Variants in BCAS3 observed in about 807,000 individuals in gnomAD.
The protein encoded by BCAS3 is BCAS4/BCAS3 fusion.
Under a neutral mutation model 116.1 loss-of-function variants are expected in BCAS3, and 53 were observed. That is an observed-to-expected ratio of 0.46 (90% CI 0.37 to 0.57). BCAS3 has a LOEUF of 0.57. Among genes scored for constraint, BCAS3 ranks in the 20% least tolerant of loss-of-function variants. BCAS3 has a pLI of 0.00. For missense variants in BCAS3, 917 were observed against 1,165.4 expected (o/e 0.79, Z 3.10); for synonymous variants, 391 against 408.2 (o/e 0.96, Z 0.51).
At chr17:60,825,857 GTTT>G (rs770293138) in intron 7 of BCAS3, among the ~76,000 whole-genome samples, 1 of 130,078 alleles carries the variant, frequency 7.7e-6, no homozygotes. Flanking sequence ...TGGGGATTCA[GTTT>G]TTTTTTTTTT....
chr17:60,783,493 C>T (rs1454871021), intron 6 of BCAS3, among the ~76,000 whole-genome samples: 1 of 152,224 alleles, frequency 6.6e-6, no homozygotes, highest in Non-Finnish European at 1.5e-5. Context: ...GCACGAGCCA[C>T]TGCGCCTGAC....
intron 6 of BCAS3, among the ~76,000 whole-genome samples, chr17:60,769,282 G>A (rs999361960): frequency 2.6e-5 from 4 of 152,186 alleles, no homozygotes; most frequent in Admixed American, 2.0e-4. Flanking sequence ...TCAGGTGTTG[G>A]CAGTGGTGTC....
intron 22 of BCAS3, among the ~76,000 whole-genome samples, chr17:61,223,655 A>T (rs570378756): frequency 6.6e-5 from 10 of 152,318 alleles, no homozygotes; most frequent in African/African-American, 2.4e-4. Flanking sequence ...TTTAACCTTG[A>T]ATCATTAGAA....
At chr17:60,702,100 AACAG>A (rs763435757) in intron 4 of BCAS3, among the ~76,000 whole-genome samples, 24 of 152,236 alleles carry the variant, frequency 1.6e-4, no homozygotes, top group Non-Finnish European at 3.5e-4. Flanking sequence ...ACACACACTT[AACAG>A]ACAGTACATG....
chr17:61,114,720 A>G (rs1201720865), intron 22 of BCAS3, among the ~76,000 whole-genome samples: 4 of 152,006 alleles, frequency 2.6e-5, no homozygotes, highest in Non-Finnish European at 5.9e-5. Flanking sequence ...GACTTTCTTC[A>G]CAGAATTGGA....
intron 22 of BCAS3, among the ~76,000 whole-genome samples, chr17:61,184,068 T>G (rs979583139): frequency 6.6e-6 from 1 of 152,188 alleles, no homozygotes; most frequent in African/African-American, 2.4e-5. Context: ...GAGGAGACAT[T>G]GGCAAATGAA....
chr17:60,853,782 A>T (rs1042439419), intron 7 of BCAS3, among the ~76,000 whole-genome samples: 1 of 152,212 alleles, frequency 6.6e-6, no homozygotes, highest in Non-Finnish European at 1.5e-5. Context: ...AATGTTTTTT[A>T]TTAAGTATAT....
intron 19 of BCAS3, among the ~76,000 whole-genome samples, chr17:61,064,132 C>T (rs544599397): frequency 6.6e-6 from 1 of 152,112 alleles, no homozygotes; most frequent in Non-Finnish European, 1.5e-5. Flanking sequence ...CTGTTCACTT[C>T]TTAGAAGTAT....
At chr17:61,107,666 C>T (rs1433900633) in intron 22 of BCAS3, among the ~76,000 whole-genome samples, 1 of 152,128 alleles carries the variant, frequency 6.6e-6, no homozygotes, top group East Asian at 1.9e-4. Context: ...GAGGTCCATC[C>T]AAGTTATTGC....
chr17:61,053,024 A>C (rs949766347), intron 19 of BCAS3, among the ~76,000 whole-genome samples: 2 of 151,954 alleles, frequency 1.3e-5, no homozygotes, highest in Admixed American at 1.3e-4. Flanking sequence ...GCCTGTGGTG[A>C]GTTTCTTCTG....
At chr17:61,190,028 A>C (rs1317797742) in intron 22 of BCAS3, among the ~76,000 whole-genome samples, 1 of 152,216 alleles carries the variant, frequency 6.6e-6, no homozygotes, top group Non-Finnish European at 1.5e-5. Flanking sequence ...AGAAGAACCT[A>C]AAAAGTGCAG....
intron 6 of BCAS3, among the ~76,000 whole-genome samples, chr17:60,767,098 G>A (rs571309724): frequency 6.6e-6 from 1 of 152,316 alleles, no homozygotes; most frequent in East Asian, 1.9e-4. Flanking sequence ...TCCCAGTGCA[G>A]TCTGTCACAG....
At chr17:61,091,074 G>C (rs1414781031) in intron 22 of BCAS3, among the ~76,000 whole-genome samples, 1 of 152,190 alleles carries the variant, frequency 6.6e-6, no homozygotes, top group East Asian at 1.9e-4. Context: ...TGAAGAAACA[G>C]TAAACAAAAG....
At chr17:60,921,054 C>T (rs2059055753) in intron 12 of BCAS3, among the ~76,000 whole-genome samples, 1 of 152,106 alleles carries the variant, frequency 6.6e-6, no homozygotes, top group Non-Finnish European at 1.5e-5. Flanking sequence ...ACCCAGCAAT[C>T]CCACTAATGG....
intron 22 of BCAS3, among the ~76,000 whole-genome samples, chr17:61,301,303 C>A (rs1420737171): frequency 6.6e-6 from 1 of 152,126 alleles, no homozygotes; most frequent in Non-Finnish European, 1.5e-5. Flanking sequence ...TTTCCCAATC[C>A]CTGGTGTAAA....
chr17:61,066,472 AT>A (rs1486939999), intron 19 of BCAS3, among the ~76,000 whole-genome samples: 1 of 152,128 alleles, frequency 6.6e-6, no homozygotes, highest in African/African-American at 2.4e-5. Context: ...GGATACAGAT[AT>A]TTTTATTTTT....
At chr17:60,863,760 G>T (rs191383375) in intron 7 of BCAS3, among the ~76,000 whole-genome samples, 97 of 151,862 alleles carry the variant, frequency 6.4e-4, no homozygotes, top group African/African-American at 2.1e-3. Flanking sequence ...ACCAAAAAAG[G>T]TATGTTTACA....
rs577927182 is a variant in BCAS3, at chr17:60,995,643, T to A, written c.1486+5408T>A. 2.1e-4 allele frequency among the ~76,000 whole-genome samples: 32 copies of A among 152,332 alleles called. No individual in the cohort carries two copies. In the East Asian group the frequency reaches 5.6e-3, roughly 27 times the overall value. ...AGAGTTTTAAAACATCTTTAGAAGT[T>A]GTTCTAAGAAAAACAATTTAGATTT... On this transcript the variant is annotated intron_variant, in intron 15 of 23. Transcript: ENST00000407086. This position sits in a 1 kb window ranked among gnomAD's most constrained non-coding sequence, Gnocchi z 4.7.
chr17:61,066,702 C>T (rs903844762), intron 19 of BCAS3, among the ~76,000 whole-genome samples: 27 of 152,008 alleles, frequency 1.8e-4, no homozygotes, highest in African/African-American at 6.5e-4. Flanking sequence ...TGATATCTAG[C>T]TGTTTCTCTG....
Sources: allele counts gnomAD v4.1 joint callset (sites outside exome capture counted in the v4.1 genomes callset), GRCh38; gene constraint gnomAD v4.1.1; non-coding constraint Gnocchi (gnomAD v3.1); transcripts MANE v1.5; gene names NCBI Gene and HGNC (gene_info 2026-07-23, HGNC 2026-07-21).